Variants in ZFYVE28 observed in about 807,000 individuals in gnomAD.
ZFYVE28 encodes zinc finger FYVE-type containing 28, also known as lateral signaling target protein 2 homolog.
A neutral mutation model predicts 82.1 loss-of-function variants in ZFYVE28; 40 were observed. The observed-to-expected ratio is 0.49, with a 90% confidence interval of 0.38 to 0.63. The LOEUF is 0.63. Among genes scored for constraint, ZFYVE28 ranks in the 30% least tolerant of loss-of-function variants. The probability of loss-of-function intolerance (pLI) is 0.00; values close to 1 mark genes in which losing one functional copy is unlikely to be tolerated. For synonymous variants in ZFYVE28, 612 were observed against 546.1 expected (o/e 1.12, Z -1.68); for missense variants, 1,321 against 1,242.1 (o/e 1.06, Z -0.96).
In ZFYVE28 at chr4:2,399,833, G is replaced by A. The variant is rs533749085; in HGVS notation, c.39+18452C>T. ...ACCCAAACGCTGCCGGACGTGAGCC[G>A]TACCAGTCACGTGGGCCACATGGGG... On this transcript the variant is annotated intron_variant, in intron 1 of 12. Coordinates refer to ENST00000290974, the MANE Select transcript of ZFYVE28 (RefSeq NM_020972.3). Among the ~76,000 whole-genome samples the A allele has an allele frequency of 3.9e-4, 60 of 152,340 alleles. 1 individual carries two copies. The South Asian group carries it at 9.9e-3, about 25-fold the overall frequency.
intron 1 of ZFYVE28, among the ~76,000 whole-genome samples, chr4:2,386,134 G>A (rs771325277): frequency 2.6e-5 from 4 of 152,140 alleles, no homozygotes; most frequent in Non-Finnish European, 5.9e-5. Context: ...CAGGGCTATG[G>A]TTTGAATGTC....
At chr4:2,286,020 C>G (rs1029653917) in intron 8 of ZFYVE28, 1 of 152,440 alleles carries the variant, frequency 6.6e-6, no homozygotes, top group African/African-American at 2.4e-5. Flanking sequence ...CACTCTGGGC[C>G]CAGTCACTGC....
At chr4:2,307,811 A>G (rs2108826560) in intron 7 of ZFYVE28, among the ~76,000 whole-genome samples, 1 of 151,996 alleles carries the variant, frequency 6.6e-6, no homozygotes, top group East Asian at 1.9e-4. Flanking sequence ...TTTACTTTTT[A>G]TATTTATATC....
At position 2,339,338 on chromosome 4, in the gene ZFYVE28, C is replaced by G; in HGVS notation, c.521+115G>C. 3 of 1,270,962 alleles carry G rather than the reference C, an allele frequency of 2.4e-6. No individual in the cohort carries two copies. The highest frequency in any genetic ancestry group is 1.5e-5 in the African/African-American group (1 of 67,548). The allele number at this position is 1,270,962 out of a possible 1,614,324, so 78.7% of individuals were successfully genotyped here. ...CACCCACAGGCGGCCCTGAACCTGC[C>G]TGGCTCCTCCCTCTGTGGAATTTTC... On this transcript the variant is annotated intron_variant, in intron 4 of 12. Coordinates refer to ENST00000290974, the MANE Select transcript of ZFYVE28 (RefSeq NM_020972.3). This position sits in a 1 kb window ranked among gnomAD's most constrained non-coding sequence, Gnocchi z 5.0.
intron 1 of ZFYVE28, among the ~76,000 whole-genome samples, chr4:2,380,398 T>A (rs1728609652): frequency 6.6e-6 from 1 of 152,252 alleles, no homozygotes; most frequent in South Asian, 2.1e-4. Flanking sequence ...CAAGAACAAC[T>A]GCCGAGTTAT....
At chr4:2,364,915 G>A in intron 1 of ZFYVE28, 14 of 985,528 alleles carry the variant, frequency 1.4e-5, no homozygotes, top group Non-Finnish European at 1.7e-5. Flanking sequence ...GAGGGACAGT[G>A]GAGGCGGGGG....
chr4:2,273,778 G>A (rs1201079507), intron 9 of ZFYVE28, among the ~76,000 whole-genome samples: 2 of 152,178 alleles, frequency 1.3e-5, no homozygotes, highest in African/African-American at 4.8e-5. Flanking sequence ...CTGCCCAGAG[G>A]TGATGCCTAG....
At chr4:2,322,639 G>A (rs751083113) in intron 6 of ZFYVE28, among the ~76,000 whole-genome samples, 1 of 152,178 alleles carries the variant, frequency 6.6e-6, no homozygotes, top group Non-Finnish European at 1.5e-5. Flanking sequence ...GTTTTAAAGG[G>A]TATGATTCTG....
In ZFYVE28 at chr4:2,320,054, T is replaced by A. The variant is rs1718841462; in HGVS notation, c.803+116A>T. The stretch of plus-strand genomic sequence containing the variant: ...TCCCTAGGGAATATTAACCAGCCCA[T>A]CCTTCCTCACAGAGAGGAGGAGGAC... On this transcript the variant is annotated intron_variant, in intron 7 of 12. Coordinates refer to ENST00000290974, the MANE Select transcript of ZFYVE28 (RefSeq NM_020972.3). The surrounding 1 kb of genome is among the most constrained non-coding windows in gnomAD (Gnocchi z 5.1). 1 of 950,996 alleles carries A rather than the reference T, an allele frequency of 1.1e-6. No individual in the cohort carries two copies. The highest frequency in any genetic ancestry group is 1.6e-5 in the African/African-American group (1 of 61,886). The allele number at this position is 950,996 out of a possible 1,614,324, so 58.9% of individuals were successfully genotyped here. A position where few individuals can be genotyped will look rare whatever the true frequency, so the allele number is the denominator to read the frequency against.
At chr4:2,280,235 G>C (rs929302279) in intron 8 of ZFYVE28, among the ~76,000 whole-genome samples, 3 of 152,238 alleles carry the variant, frequency 2.0e-5, no homozygotes, top group African/African-American at 2.4e-5. Context: ...GCGAGGTGTA[G>C]TGGCTCATGC....
At chr4:2,410,545 G>A (rs1039959139) in intron 1 of ZFYVE28, among the ~76,000 whole-genome samples, 5 of 150,356 alleles carry the variant, frequency 3.3e-5, no homozygotes, top group Admixed American at 2.7e-4. Context: ...GCCCAGGCTG[G>A]AGTGCAGTGG....
rs567620288 is a variant in ZFYVE28, at chr4:2,407,174, T to C, written c.39+11111A>G. Among the ~76,000 whole-genome samples, 3 of 152,298 alleles carry C rather than the reference T, an allele frequency of 2.0e-5. No individual in the cohort carries two copies. In the South Asian group the frequency reaches 6.2e-4, roughly 32 times the overall value. On this transcript the variant is annotated intron_variant, in intron 1 of 12. Transcript: ENST00000290974. ...CTTCCTTCTGACTTTGATTTTCCTC[T>C]TGGAGTACATTTTCCAGTACTTCTT... is the stretch of plus-strand genomic sequence containing the variant.
At chr4:2,398,643 C>T (rs897439110) in intron 1 of ZFYVE28, among the ~76,000 whole-genome samples, 1 of 133,288 alleles carries the variant, frequency 7.5e-6, no homozygotes, top group Non-Finnish European at 1.6e-5. Flanking sequence ...GCACACAAGG[C>T]GGGGGCGAGA....
At chr4:2,369,466 G>A (rs1302128983) in intron 1 of ZFYVE28, among the ~76,000 whole-genome samples, 1 of 152,184 alleles carries the variant, frequency 6.6e-6, no homozygotes, top group African/African-American at 2.4e-5. Context: ...CCCACCCACA[G>A]TGGGTCAAAT....
At chr4:2,357,303 G>A (rs866949658) in intron 1 of ZFYVE28, among the ~76,000 whole-genome samples, 13 of 152,214 alleles carry the variant, frequency 8.5e-5, no homozygotes, top group African/African-American at 1.7e-4. Flanking sequence ...ACCTGGGCCC[G>A]GGACCTGCCA....
intron 10 of ZFYVE28, among the ~76,000 whole-genome samples, chr4:2,272,440 C>T (rs1261695064): frequency 6.6e-6 from 1 of 152,230 alleles, no homozygotes; most frequent in Non-Finnish European, 1.5e-5. Flanking sequence ...GAGGGCCAGA[C>T]TCCCTGTGCC....
chr4:2,343,556 G>T (rs1217589038), intron 2 of ZFYVE28: 1 of 152,216 alleles, frequency 6.6e-6, no homozygotes, highest in Non-Finnish European at 1.5e-5. Flanking sequence ...TTCTGGGTAG[G>T]AAGGTCCCTT....
chr4:2,359,249 G>A (rs1725784906), intron 1 of ZFYVE28, among the ~76,000 whole-genome samples: 1 of 151,570 alleles, frequency 6.6e-6, no homozygotes, highest in Admixed American at 6.6e-5. Flanking sequence ...CCAAAGTTCT[G>A]GGATTACAGG....
intron 8 of ZFYVE28, among the ~76,000 whole-genome samples, chr4:2,283,465 A>G (rs1024369554): frequency 1.0e-5 from 1 of 99,962 alleles, no homozygotes; most frequent in African/African-American, 3.9e-5. Context: ...CCACCCACCC[A>G]TCCATCCACC....
Sources: allele counts gnomAD v4.1 joint callset (sites outside exome capture counted in the v4.1 genomes callset), GRCh38; gene constraint gnomAD v4.1.1; non-coding constraint Gnocchi (gnomAD v3.1); transcripts MANE v1.5; gene names NCBI Gene and HGNC (gene_info 2026-07-23, HGNC 2026-07-21).